Variants in CA10 observed in about 807,000 individuals in gnomAD.
CA10 encodes the protein carbonic anhydrase-related protein 10.
Under a neutral mutation model 44.2 loss-of-function variants are expected in CA10, and 14 were observed. The observed-to-expected ratio is 0.32, with a 90% confidence interval of 0.21 to 0.50. CA10 has a LOEUF of 0.50. Among genes scored for constraint, CA10 ranks in the 20% least tolerant of loss-of-function variants. The probability of loss-of-function intolerance (pLI) is 0.99; values close to 1 mark genes in which losing one functional copy is unlikely to be tolerated. For synonymous variants in CA10, 159 were observed against 141.6 expected, an observed-to-expected ratio of 1.12 and a Z score of -0.87; for missense variants, 350 against 409.7, an observed-to-expected ratio of 0.85 and a Z score of 1.26.
chr17:51,720,072 TAAG>T (rs1916304737), intron 4 of CA10, among the ~76,000 whole-genome samples: 1 of 152,156 alleles, frequency 6.6e-6, no homozygotes, highest in Non-Finnish European at 1.5e-5. Flanking sequence ...TGTGGTATAA[TAAG>T]AAATATTATT....
intron 3 of CA10, among the ~76,000 whole-genome samples, chr17:51,878,865 TATATATATATATATATATA>T (rs1980217486): frequency 3.9e-5 from 1 of 25,654 alleles, no homozygotes; most frequent in African/African-American, 1.9e-4. Context: ...TATATATATA[TATATATATATATATATATA>T]TATATATGGG....
chr17:52,132,822 G>A (rs1387456322), intron 1 of CA10, among the ~76,000 whole-genome samples: 2 of 152,074 alleles, frequency 1.3e-5, no homozygotes, highest in Admixed American at 6.6e-5. Context: ...TCAGGACTGG[G>A]GTACAAACTG....
intron 4 of CA10, among the ~76,000 whole-genome samples, chr17:51,710,170 G>A (rs1234391217): frequency 1.3e-5 from 2 of 152,166 alleles, no homozygotes; most frequent in Middle Eastern, 3.2e-3. Context: ...TTTAGCAGCC[G>A]ACGTTTTCTT....
intron 2 of CA10, among the ~76,000 whole-genome samples, chr17:51,977,871 A>G (rs1245276707): frequency 6.6e-6 from 1 of 152,130 alleles, no homozygotes; most frequent in Non-Finnish European, 1.5e-5. Context: ...AAAAATTCGG[A>G]TTCTATATAC....
At chr17:51,888,047 A>G (rs1047656670) in intron 3 of CA10, among the ~76,000 whole-genome samples, 7 of 151,856 alleles carry the variant, frequency 4.6e-5, no homozygotes, top group South Asian at 2.1e-4. Context: ...ACAAAAACAA[A>G]ACAAAACAAA....
intron 4 of CA10, among the ~76,000 whole-genome samples, chr17:51,739,701 A>G (rs906243418): frequency 6.6e-6 from 1 of 152,172 alleles, no homozygotes; most frequent in African/African-American, 2.4e-5. Context: ...AAGTAATTAT[A>G]AAAATGTCCA....
At chr17:51,879,463 A>G (rs1016815417) in intron 3 of CA10, among the ~76,000 whole-genome samples, 2 of 152,198 alleles carry the variant, frequency 1.3e-5, no homozygotes, top group Non-Finnish European at 2.9e-5. Flanking sequence ...TGGGATCCCC[A>G]TTCAAGACAG....
chr17:51,927,165 C>A (rs530678438), intron 3 of CA10, among the ~76,000 whole-genome samples: 2 of 152,134 alleles, frequency 1.3e-5, no homozygotes, highest in East Asian at 3.9e-4. Flanking sequence ...ATGATCCTAC[C>A]TTTTATACTT....
At chr17:51,816,484 A>C (rs976428748) in intron 3 of CA10, among the ~76,000 whole-genome samples, 1 of 152,050 alleles carries the variant, frequency 6.6e-6, no homozygotes, top group Admixed American at 6.6e-5. Context: ...TTTTTGGAGG[A>C]ACCTCCAAAC....
At chr17:51,825,975 C>T (rs148877264) in intron 3 of CA10, among the ~76,000 whole-genome samples, 1 of 152,218 alleles carries the variant, frequency 6.6e-6, no homozygotes, top group Non-Finnish European at 1.5e-5. Flanking sequence ...TTTCACTCTA[C>T]GCACTTATAA....
chr17:51,982,336 T>C (rs1364923273), intron 2 of CA10, among the ~76,000 whole-genome samples: 1 of 151,924 alleles, frequency 6.6e-6, no homozygotes, highest in African/African-American at 2.4e-5. Flanking sequence ...AACAGCCACA[T>C]TGTGTTCAGC....
At chr17:51,955,116 T>C (rs1387598110) in intron 2 of CA10, among the ~76,000 whole-genome samples, 1 of 152,110 alleles carries the variant, frequency 6.6e-6, no homozygotes, top group East Asian at 1.9e-4. Context: ...TTGGGAGAAG[T>C]ACTGAAAGGA....
intron 1 of CA10, among the ~76,000 whole-genome samples, chr17:52,107,895 A>G (rs1330536997): frequency 2.6e-5 from 4 of 152,158 alleles, no homozygotes; most frequent in Non-Finnish European, 5.9e-5. Flanking sequence ...GAGCAAGGCA[A>G]TGCTGGAAGA....
chr17:51,711,196 C>T (rs569039560), intron 4 of CA10, among the ~76,000 whole-genome samples: 6 of 152,204 alleles, frequency 3.9e-5, no homozygotes, highest in Admixed American at 6.5e-5. Context: ...AGGCAGGCAG[C>T]GCATTAATTT....
chr17:52,072,291 ATAAAT>A, intron 2 of CA10, 23 bp downstream of exon 2: 2 of 1,460,100 alleles, frequency 1.4e-6, no homozygotes, highest in South Asian at 1.2e-5. Flanking sequence ...TTTTTAATAA[ATAAAT>A]TAAAGAATTA....
intron 4 of CA10, among the ~76,000 whole-genome samples, chr17:51,672,398 A>C (rs1023587125): frequency 6.6e-6 from 1 of 152,202 alleles, no homozygotes; most frequent in Non-Finnish European, 1.5e-5. Flanking sequence ...ACAGTATTGC[A>C]GCTAACATTT....
intron 3 of CA10, among the ~76,000 whole-genome samples, chr17:51,882,696 CTCTCT>C (rs1980429738): frequency 6.6e-6 from 1 of 152,146 alleles, no homozygotes; most frequent in African/African-American, 2.4e-5. Flanking sequence ...CTGTGCTCAG[CTCTCT>C]TGTTCCTACA....
At chr17:51,639,637 C>T (rs149243451) in intron 6 of CA10, among the ~76,000 whole-genome samples, 21 of 152,332 alleles carry the variant, frequency 1.4e-4, no homozygotes, top group Admixed American at 2.6e-4. Flanking sequence ...CTTCTGCTCT[C>T]CTGACATTTT....
intron 2 of CA10, among the ~76,000 whole-genome samples, chr17:52,039,004 G>A (rs146982362): frequency 2.7e-4 from 41 of 152,242 alleles, no homozygotes; most frequent in African/African-American, 8.9e-4. Flanking sequence ...CCTGTAAAGT[G>A]AGAGAACGGA....
Sources: allele counts gnomAD v4.1 joint callset (sites outside exome capture counted in the v4.1 genomes callset), GRCh38; gene constraint gnomAD v4.1.1; transcripts MANE v1.5; gene names NCBI Gene and HGNC (gene_info 2026-07-23, HGNC 2026-07-21).